ADARB2: variants seen among roughly 807,000 people sequenced by gnomAD.
ADARB2 encodes adenosine deaminase RNA specific B2 (inactive), also known as inactive double-stranded RNA-specific editase B2.
In ADARB2, 25 loss-of-function variants were observed where a neutral mutation model predicts 62.2. The observed-to-expected ratio is 0.40, with a 90% confidence interval of 0.29 to 0.56. The LOEUF (loss-of-function observed/expected upper bound fraction) is 0.56. ADARB2 is among the 20% of genes least tolerant of loss of function. The pLI, the probability that ADARB2 is intolerant of heterozygous loss-of-function variation, is 0.43. For synonymous variants in ADARB2, 572 were observed against 500.8 expected, an observed-to-expected ratio of 1.14 and a Z score of -1.90; for missense variants, 1,071 against 1,077.4, an observed-to-expected ratio of 0.99 and a Z score of 0.08.
intron 1 of ADARB2, among the ~76,000 whole-genome samples, chr10:1,457,278 G>T (rs1217349077): frequency 2.0e-5 from 3 of 152,154 alleles, no homozygotes; most frequent in African/African-American, 7.2e-5. Flanking sequence ...GGCTGGCCAG[G>T]GCGCTGGACA....
intron 1 of ADARB2, among the ~76,000 whole-genome samples, chr10:1,391,973 C>T (rs11250487): frequency 6.6e-6 from 1 of 151,356 alleles, no homozygotes; most frequent in Non-Finnish European, 1.5e-5. Context: ...GACATGTTGC[C>T]CAAGCTGGTC....
intron 1 of ADARB2, among the ~76,000 whole-genome samples, chr10:1,678,509 A>G (rs1202055946): frequency 1.3e-5 from 2 of 151,558 alleles, no homozygotes; most frequent in Non-Finnish European, 2.9e-5. Flanking sequence ...CTGGGCTTGC[A>G]TCTCCTTCTC....
At position 1,532,589 on chromosome 10, in the gene ADARB2, G is replaced by A. The variant is rs545458237; in HGVS notation, c.101-153429C>T. On this transcript the variant is annotated intron_variant, in intron 1 of 9. Coordinates refer to ENST00000381312, the MANE Select transcript of ADARB2 (RefSeq NM_018702.4). ...AGTGGCTCTCAGGGGTCAGGCATTG[G>A]GTGCTGCCCCAGTGCATGTTATGGG... Among the ~76,000 whole-genome samples, 15 of 152,290 alleles carry A rather than the reference G, an allele frequency of 9.8e-5. No individual in the cohort carries two copies. In the East Asian group the frequency reaches 2.7e-3, roughly 28 times the overall value.
At chr10:1,722,078 G>A (rs561057022) in intron 1 of ADARB2, among the ~76,000 whole-genome samples, 7 of 152,300 alleles carry the variant, frequency 4.6e-5, no homozygotes, top group African/African-American at 1.2e-4. Flanking sequence ...GAACAGATGG[G>A]AAGAGCTATT....
At chr10:1,301,381 T>C (rs556056429) in intron 3 of ADARB2, among the ~76,000 whole-genome samples, 1 of 152,340 alleles carries the variant, frequency 6.6e-6, no homozygotes, top group Non-Finnish European at 1.5e-5. Context: ...GCCTTTGATA[T>C]GGGGATAGGC....
At chr10:1,224,751 T>C (rs1467152849) in intron 6 of ADARB2, among the ~76,000 whole-genome samples, 6 of 151,116 alleles carry the variant, frequency 4.0e-5, no homozygotes, top group African/African-American at 1.5e-4. Context: ...TGAGTTTCTT[T>C]CTAGTTTGAT....
intron 4 of ADARB2, among the ~76,000 whole-genome samples, chr10:1,257,314 C>T (rs949378333): frequency 2.0e-5 from 3 of 152,216 alleles, no homozygotes; most frequent in African/African-American, 7.2e-5. Flanking sequence ...TTCATACTCT[C>T]CTCCCCTTCT....
chr10:1,594,532 A>G (rs1833306019), intron 1 of ADARB2, among the ~76,000 whole-genome samples: 1 of 152,090 alleles, frequency 6.6e-6, no homozygotes, highest in South Asian at 2.1e-4. Context: ...AGATGTTGCT[A>G]ACTCACCATC....
In ADARB2 at chr10:1,351,302, G is replaced by A. The variant is rs570967744; in HGVS notation, c.1077+11726C>T. 6.6e-4 allele frequency among the ~76,000 whole-genome samples: 100 copies of A among 152,180 alleles called. No homozygotes were observed. In the South Asian group the frequency reaches 0.019, roughly 29 times the overall value. ...GTAACTCACAGTGGAAGGTAAGTCC[G>A]TCCCCTTCTTCATCAATACGGAGGC... On this transcript the variant is annotated intron_variant, in intron 3 of 9. Coordinates refer to ENST00000381312, the MANE Select transcript of ADARB2 (RefSeq NM_018702.4).
In ADARB2 at chr10:1,306,380, C is replaced by A. The variant is rs559426735; in HGVS notation, c.1078-35311G>T. 8.0e-4 allele frequency among the ~76,000 whole-genome samples: 122 copies of A among 151,860 alleles called. 1 individual carries two copies. The highest frequency in any genetic ancestry group is 1.6e-3 in the Non-Finnish European group (107 of 67,828). ...ATGTGAAGGACCTCTTCAAGGAGAACTACAAACCACTGCTCAAGGAAATGA... is the reference window on the plus strand; with the variant it reads ...ATGTGAAGGACCTCTTCAAGGAGAAATACAAACCACTGCTCAAGGAAATGA... On this transcript the variant is annotated intron_variant, in intron 3 of 9. Transcript: ENST00000381312.
intron 3 of ADARB2, among the ~76,000 whole-genome samples, chr10:1,320,127 G>A (rs1831782184): frequency 6.6e-6 from 1 of 152,094 alleles, no homozygotes; most frequent in Non-Finnish European, 1.5e-5. Context: ...GACTCACAGT[G>A]GCCTCCAGCC....
rs1218216962 is a variant in ADARB2 at position 1,527,974 on chromosome 10, G to A, written c.101-148814C>T. Among the ~76,000 whole-genome samples the A allele has an allele frequency of 2.0e-5, 3 of 152,200 alleles. No homozygotes were observed. In the East Asian group the frequency reaches 5.8e-4, roughly 29 times the overall value. ...AACTGAACGTTATAAAAATCCTGGA[G>A]TAAGTAGAAAAATGCCAGGCTGATA... On this transcript the variant is annotated intron_variant, in intron 1 of 9. Transcript: ENST00000381312.
intron 1 of ADARB2, among the ~76,000 whole-genome samples, chr10:1,515,667 C>T (rs1386914648): frequency 6.6e-6 from 1 of 152,220 alleles, no homozygotes; most frequent in Non-Finnish European, 1.5e-5. Context: ...CACAGCTGTG[C>T]TGACACCTGC....
chr10:1,314,127 C>A (rs1422413075), intron 3 of ADARB2, among the ~76,000 whole-genome samples: 1 of 152,220 alleles, frequency 6.6e-6, no homozygotes, highest in Non-Finnish European at 1.5e-5. Flanking sequence ...AGGAATCTCA[C>A]ATTCTGGATT....
intron 2 of ADARB2, among the ~76,000 whole-genome samples, chr10:1,378,352 T>C (rs886890248): frequency 1.1e-4 from 17 of 152,186 alleles, no homozygotes. Context: ...GTTAAATACT[T>C]GTACAAACCG....
chr10:1,207,809 C>T (rs1433668319), intron 7 of ADARB2, among the ~76,000 whole-genome samples: 1 of 152,182 alleles, frequency 6.6e-6, no homozygotes, highest in Non-Finnish European at 1.5e-5. Flanking sequence ...ACATTAGTTC[C>T]AGGAGATTTA....
At chr10:1,605,462 C>A (rs1833483568) in intron 1 of ADARB2, among the ~76,000 whole-genome samples, 3 of 152,220 alleles carry the variant, frequency 2.0e-5, no homozygotes, top group African/African-American at 7.2e-5. Flanking sequence ...TATGAATGGT[C>A]TCCTCTGAGA....
At chr10:1,714,141 T>C (rs1385760879) in intron 1 of ADARB2, among the ~76,000 whole-genome samples, 2 of 152,244 alleles carry the variant, frequency 1.3e-5, no homozygotes, top group African/African-American at 4.8e-5. Flanking sequence ...ATTTCAGCAG[T>C]TTCTATTTAA....
Position 1,529,083 on chromosome 10 carries a change from C to G in ADARB2, c.101-149923G>C, listed in dbSNP as rs531615676. ...TCCTCCAATCAGTCCACCCACCATG[C>G]CCAACACCAATCCTCCAATCAGTCC... On this transcript the variant is annotated intron_variant, in intron 1 of 9. Transcript: ENST00000381312. Among the ~76,000 whole-genome samples, 197 of 143,710 alleles carry G rather than the reference C, an allele frequency of 1.4e-3. 5 individuals are homozygous for G. Among genetic ancestry groups the G allele is most frequent in the East Asian group, 0.013 (47 of 3,508 alleles). 94.3% of individuals were successfully genotyped at this position (143,710 alleles called of 152,430 possible).
Sources: allele counts gnomAD v4.1 joint callset (sites outside exome capture counted in the v4.1 genomes callset), GRCh38; gene constraint gnomAD v4.1.1; transcripts MANE v1.5; gene names NCBI Gene and HGNC (gene_info 2026-07-23, HGNC 2026-07-21).